The following CTNNA3 variants were observed in gnomAD, a reference collection of about 807,000 sequenced individuals.
CTNNA3 encodes catenin alpha 3, also known as catenin alpha-3.
CTNNA3 carries 76 observed loss-of-function variants against 95.7 expected under a neutral mutation model. That is an observed-to-expected ratio of 0.79 (90% confidence interval 0.66 to 0.96). The LOEUF (loss-of-function observed/expected upper bound fraction) is 0.96. Ranked by LOEUF, CTNNA3 falls within the 40% of genes least tolerant of loss-of-function variation. The probability of loss-of-function intolerance (pLI) is 0.00; values close to 1 mark genes in which losing one functional copy is unlikely to be tolerated. For synonymous variants in CTNNA3, 431 were observed against 374.4 expected, an observed-to-expected ratio of 1.15 and a Z score of -1.74; for missense variants, 1,191 against 1,089.8, an observed-to-expected ratio of 1.09 and a Z score of -1.31.
At chr10:67,051,056 A>G (rs1454668822) in intron 7 of CTNNA3, among the ~76,000 whole-genome samples, 1 of 152,230 alleles carries the variant, frequency 6.6e-6, no homozygotes, top group Non-Finnish European at 1.5e-5. Flanking sequence ...ACCTTACAAT[A>G]TGGGAAGATA....
At chr10:66,147,608 GTTTTTTTTT>G (rs34193216) in intron 13 of CTNNA3, among the ~76,000 whole-genome samples, 3 of 105,766 alleles carry the variant, frequency 2.8e-5, no homozygotes, top group Non-Finnish European at 5.6e-5. Flanking sequence ...GTTGCTTTCA[GTTTTTTTTT>G]TTTTTTTTTT....
intron 7 of CTNNA3, among the ~76,000 whole-genome samples, chr10:66,913,317 G>C (rs1479881181): frequency 6.8e-6 from 1 of 147,350 alleles, no homozygotes; most frequent in Non-Finnish European, 1.5e-5. Context: ...AATGACACTA[G>C]TGCAAAATAC....
chr10:67,399,067 G>T (rs1348837299), intron 5 of CTNNA3, among the ~76,000 whole-genome samples: 1 of 152,020 alleles, frequency 6.6e-6, no homozygotes, highest in African/African-American at 2.4e-5. Flanking sequence ...CATCCTTGTT[G>T]TCTTCACACT....
intron 11 of CTNNA3, among the ~76,000 whole-genome samples, chr10:66,496,488 G>A (rs76447572): frequency 0.036 from 5,543 of 152,204 alleles, 362 homozygotes; most frequent in African/African-American, 0.13. Flanking sequence ...ATTAAATTAA[G>A]TAGACATTAC....
chr10:66,768,066 T>C (rs1198222533), intron 8 of CTNNA3, among the ~76,000 whole-genome samples: 1 of 152,140 alleles, frequency 6.6e-6, no homozygotes, highest in Non-Finnish European at 1.5e-5. Flanking sequence ...AAGTCAGGCG[T>C]AAGGTCACGA....
intron 11 of CTNNA3, among the ~76,000 whole-genome samples, chr10:66,444,038 A>G (rs1251110855): frequency 6.6e-6 from 1 of 152,230 alleles, no homozygotes; most frequent in Non-Finnish European, 1.5e-5. Context: ...CAGAAGCCTC[A>G]GGAGCCGATG....
chr10:66,139,337 G>A (rs1291446106), intron 13 of CTNNA3, among the ~76,000 whole-genome samples: 1 of 152,098 alleles, frequency 6.6e-6, no homozygotes, highest in Non-Finnish European at 1.5e-5. Context: ...TACCCCTGAT[G>A]CCATTTATAC....
intron 7 of CTNNA3, among the ~76,000 whole-genome samples, chr10:66,964,614 G>A (rs1849301071): frequency 1.3e-5 from 2 of 152,118 alleles, no homozygotes; most frequent in Non-Finnish European, 2.9e-5. Context: ...GTATCTGTCA[G>A]GTGATGGTGG....
chr10:66,243,308 C>T (rs2090178762), intron 13 of CTNNA3, among the ~76,000 whole-genome samples: 1 of 152,184 alleles, frequency 6.6e-6, no homozygotes, highest in Non-Finnish European at 1.5e-5. Flanking sequence ...AGAGAATTCT[C>T]TTCCCTTTCC....
intron 9 of CTNNA3, among the ~76,000 whole-genome samples, chr10:66,627,045 T>C (rs1367365472): frequency 2.6e-5 from 4 of 152,142 alleles, no homozygotes; most frequent in Admixed American, 6.6e-5. Flanking sequence ...AAGATAAATG[T>C]ACTGAGGTGA....
At chr10:67,165,639 A>T (rs759537487) in intron 7 of CTNNA3, among the ~76,000 whole-genome samples, 7 of 152,164 alleles carry the variant, frequency 4.6e-5, no homozygotes, top group Non-Finnish European at 7.4e-5. Flanking sequence ...ATCTATAATT[A>T]TTTCAAAATT....
At chr10:67,385,152 T>G (rs1844104038) in intron 5 of CTNNA3, among the ~76,000 whole-genome samples, 1 of 152,240 alleles carries the variant, frequency 6.6e-6, no homozygotes, top group Admixed American at 6.5e-5. Flanking sequence ...ACTTTGTTGC[T>G]TCTTTCAATG....
Position 67,404,978 on chromosome 10 carries a change from G to T in CTNNA3, c.579+116864C>A, listed in dbSNP as rs561586241. 1.1e-3 allele frequency among the ~76,000 whole-genome samples: 165 copies of T among 152,200 alleles called. 1 individual carries two copies. Among genetic ancestry groups the T allele is most frequent in the African/African-American group, 3.8e-3 (159 of 41,542 alleles). The stretch of plus-strand genomic sequence containing the variant: ...AGCCAAACTAAGCTTCATAAGAGAA[G>T]AAATAAGATCCTTTTCAGACAAGCA... On this transcript the variant is annotated intron_variant, in intron 5 of 17. Coordinates refer to ENST00000433211, the MANE Select transcript of CTNNA3 (RefSeq NM_013266.4).
chr10:66,416,866 A>G (rs1210349093), intron 11 of CTNNA3, among the ~76,000 whole-genome samples: 1 of 152,086 alleles, frequency 6.6e-6, no homozygotes, highest in East Asian at 1.9e-4. Context: ...ACACAAAAGT[A>G]TAAAAAATGG....
chr10:67,001,222 A>G (rs1295461515), intron 7 of CTNNA3, among the ~76,000 whole-genome samples: 1 of 150,672 alleles, frequency 6.6e-6, no homozygotes, highest in East Asian at 2.0e-4. Flanking sequence ...AATCGCTTGA[A>G]CCAGGGACTC....
At chr10:67,542,359 C>A (rs564380496) in intron 3 of CTNNA3, among the ~76,000 whole-genome samples, 13 of 152,188 alleles carry the variant, frequency 8.5e-5, no homozygotes, top group African/African-American at 3.1e-4. Flanking sequence ...CAAAACCTGT[C>A]TTTTCTTCTG....
At chr10:66,971,032 T>G (rs1480399271) in intron 7 of CTNNA3, among the ~76,000 whole-genome samples, 1 of 152,164 alleles carries the variant, frequency 6.6e-6, no homozygotes, top group Non-Finnish European at 1.5e-5. Context: ...AGTATTTGCA[T>G]TATTTGCTCT....
chr10:67,354,612 T>G (rs1309956889), intron 5 of CTNNA3, among the ~76,000 whole-genome samples: 1 of 152,064 alleles, frequency 6.6e-6, no homozygotes, highest in African/African-American at 2.4e-5. Context: ...TACAATCTAA[T>G]TAATACTCAC....
At chr10:67,702,272 G>T (rs563630989) in intron 1 of CTNNA3, among the ~76,000 whole-genome samples, 8 of 151,914 alleles carry the variant, frequency 5.3e-5, no homozygotes, top group Admixed American at 4.6e-4. Context: ...TGCACCAAGC[G>T]GACCTAATAG....
Sources: allele counts gnomAD v4.1 joint callset (sites outside exome capture counted in the v4.1 genomes callset), GRCh38; gene constraint gnomAD v4.1.1; transcripts MANE v1.5; gene names NCBI Gene and HGNC (gene_info 2026-07-23, HGNC 2026-07-21).